Variants in NUBPL observed in about 807,000 individuals in gnomAD.
NUBPL encodes the protein NUBP iron-sulfur cluster assembly factor, mitochondrial.
Under a neutral mutation model 45.7 loss-of-function variants are expected in NUBPL, and 31 were observed. That is an observed-to-expected ratio of 0.68 (90% CI 0.51 to 0.92). The LOEUF (loss-of-function observed/expected upper bound fraction) is 0.92. Ranked by LOEUF, NUBPL falls within the 40% of genes least tolerant of loss-of-function variation. The pLI, the probability that NUBPL is intolerant of heterozygous loss-of-function variation, is 0.00. For synonymous variants in NUBPL, 144 were observed against 140.9 expected, an observed-to-expected ratio of 1.02 and a Z score of -0.15; for missense variants, 401 against 398.7, an observed-to-expected ratio of 1.01 and a Z score of -0.05.
chr14:31,586,974 G>T (rs749681594), intron 3 of NUBPL, among the ~76,000 whole-genome samples: 2 of 152,140 alleles, frequency 1.3e-5, no homozygotes, highest in East Asian at 3.8e-4. Context: ...CTCAGTGTTT[G>T]GGACTCTATA....
At chr14:31,582,305 T>G (rs1207904352) in intron 3 of NUBPL, among the ~76,000 whole-genome samples, 2 of 151,728 alleles carry the variant, frequency 1.3e-5, no homozygotes, top group African/African-American at 4.8e-5. Flanking sequence ...GAATGGAGTA[T>G]TCTAGTGAGC....
At chr14:31,747,067 G>A (rs1303529407) in intron 6 of NUBPL, among the ~76,000 whole-genome samples, 1 of 102,746 alleles carries the variant, frequency 9.7e-6, no homozygotes, top group African/African-American at 3.9e-5. Context: ...GAGAGAACCT[G>A]TCTCCAAAAA....
At chr14:31,806,395 T>A (rs2039686474) in intron 7 of NUBPL, among the ~76,000 whole-genome samples, 1 of 152,102 alleles carries the variant, frequency 6.6e-6, no homozygotes, top group South Asian at 2.1e-4. Flanking sequence ...ATGAGCAAGC[T>A]GAGCTATATG....
At chr14:31,813,595 G>T (rs1003868241) in intron 7 of NUBPL, among the ~76,000 whole-genome samples, 2 of 151,834 alleles carry the variant, frequency 1.3e-5, no homozygotes, top group Non-Finnish European at 2.9e-5. Flanking sequence ...ATGCAGGTTT[G>T]TTACATAGAT....
At position 31,608,686 on chromosome 14, in the gene NUBPL, G is replaced by A. The variant is rs573755916; in HGVS notation, c.382+9307G>A. On this transcript the variant is annotated intron_variant, in intron 4 of 10. Transcript: ENST00000281081. Reference sequence around the variant, plus strand: ...AAGATTTTTGTAACATTGTAACTATGTGTGTAATCTACTCTTATCCTAAGT... The same window carrying A: ...AAGATTTTTGTAACATTGTAACTATATGTGTAATCTACTCTTATCCTAAGT... 2.6e-5 allele frequency among the ~76,000 whole-genome samples: 4 copies of A among 152,292 alleles called. No individual in the cohort carries two copies. In the South Asian group the frequency reaches 8.3e-4, roughly 32 times the overall value.
At chr14:31,659,866 G>A (rs10149668) in intron 4 of NUBPL, among the ~76,000 whole-genome samples, 24,081 of 152,124 alleles carry the variant, frequency 0.16, 5,435 homozygotes, top group African/African-American at 0.5. Context: ...GGATGAATTG[G>A]AAAAGAGGGG....
intron 6 of NUBPL, among the ~76,000 whole-genome samples, chr14:31,746,718 G>A (rs2038406990): frequency 6.6e-6 from 1 of 152,026 alleles, no homozygotes; most frequent in Admixed American, 6.6e-5. Flanking sequence ...GAGTTTGGAA[G>A]CATTCCTCCA....
At chr14:31,642,644 G>A (rs1284193970) in intron 4 of NUBPL, among the ~76,000 whole-genome samples, 6 of 152,106 alleles carry the variant, frequency 3.9e-5, no homozygotes, top group Non-Finnish European at 8.8e-5. Flanking sequence ...TGTTCTTTGT[G>A]CTCAGGGTTG....
At chr14:31,626,573 C>T (rs555742929) in intron 4 of NUBPL, among the ~76,000 whole-genome samples, 1 of 152,244 alleles carries the variant, frequency 6.6e-6, no homozygotes, top group Admixed American at 6.5e-5. Context: ...AGGGTTGTGG[C>T]AATCTGAGAG....
At chr14:31,707,254 C>T (rs562676415) in intron 6 of NUBPL, among the ~76,000 whole-genome samples, 47 of 152,322 alleles carry the variant, frequency 3.1e-4, no homozygotes, top group African/African-American at 1.1e-3. Context: ...CGGGCTATGC[C>T]CTTGTTTACA....
chr14:31,747,090 A>AAAAGAGTT (rs2038415547), intron 6 of NUBPL, among the ~76,000 whole-genome samples: 1 of 150,942 alleles, frequency 6.6e-6, no homozygotes, highest in Non-Finnish European at 1.5e-5. Flanking sequence ...AAAAAAAAAA[A>AAAAGAGTT]AAAGAGTTTG....
rs562689856 is a variant in NUBPL, at chr14:31,680,868, A to G, written c.513+7294A>G. On this transcript the variant is annotated intron_variant, in intron 6 of 10. Coordinates refer to ENST00000281081, the MANE Select transcript of NUBPL (RefSeq NM_025152.3). ...CCAATTTTTTTTCTGAATATTTTTG[A>G]TCTGCAGTTGGTTGAATTCATGAAT... Among the ~76,000 whole-genome samples, 7 of 152,166 alleles carry G rather than the reference A, an allele frequency of 4.6e-5. No individual in the cohort carries two copies. In the East Asian group the frequency reaches 7.7e-4, roughly 17 times the overall value.
intron 4 of NUBPL, chr14:31,668,128 G>A (rs1268248156): frequency 6.6e-6 from 1 of 152,422 alleles, no homozygotes; most frequent in Non-Finnish European, 1.5e-5. Flanking sequence ...CGGCAGGCAG[G>A]AATGTTTAAG....
chr14:31,601,891 A>T (rs2139566050), intron 4 of NUBPL, among the ~76,000 whole-genome samples: 1 of 152,330 alleles, frequency 6.6e-6, no homozygotes, highest in South Asian at 2.1e-4. Flanking sequence ...ATTACTGGGT[A>T]TATACCCAAA....
intron 6 of NUBPL, among the ~76,000 whole-genome samples, chr14:31,681,260 C>G (rs1202623164): frequency 6.6e-6 from 1 of 151,594 alleles, no homozygotes; most frequent in African/African-American, 2.4e-5. Context: ...TAAATTTTAT[C>G]TTGTTTTAAT....
At chr14:31,655,344 A>G (rs565264963) in intron 4 of NUBPL, among the ~76,000 whole-genome samples, 13 of 152,210 alleles carry the variant, frequency 8.5e-5, no homozygotes, top group Non-Finnish European at 1.8e-4. Flanking sequence ...AGGCATGAAG[A>G]CAACATTCAT....
intron 7 of NUBPL, among the ~76,000 whole-genome samples, chr14:31,816,229 G>C (rs1029638896): frequency 6.6e-6 from 1 of 152,040 alleles, no homozygotes; most frequent in East Asian, 1.9e-4. Flanking sequence ...GTCTATTCAG[G>C]GATTCAACTT....
chr14:31,624,382 A>T (rs1211712928), intron 4 of NUBPL, among the ~76,000 whole-genome samples: 1 of 152,214 alleles, frequency 6.6e-6, no homozygotes, highest in East Asian at 1.9e-4. Flanking sequence ...AGACAGAATT[A>T]GTCAACAGAT....
chr14:31,741,579 A>G (rs1181137877), intron 6 of NUBPL, among the ~76,000 whole-genome samples: 3 of 152,132 alleles, frequency 2.0e-5, no homozygotes, highest in Non-Finnish European at 2.9e-5. Flanking sequence ...TTTCTCTGAC[A>G]TTCACCGTGA....
Sources: allele counts gnomAD v4.1 joint callset (sites outside exome capture counted in the v4.1 genomes callset), GRCh38; gene constraint gnomAD v4.1.1; transcripts MANE v1.5; gene names NCBI Gene and HGNC (gene_info 2026-07-23, HGNC 2026-07-21).